EDIL3: variants seen among roughly 807,000 people sequenced by gnomAD.
The protein encoded by EDIL3 is EGF-like repeat and discoidin I-like domain-containing protein 3.
Under a neutral mutation model 67.4 loss-of-function variants are expected in EDIL3, and 37 were observed. That is an observed-to-expected ratio of 0.55 (90% CI 0.42 to 0.72). The LOEUF (loss-of-function observed/expected upper bound fraction) is 0.72. EDIL3 is among the 30% of genes least tolerant of loss of function. The probability of loss-of-function intolerance (pLI) is 0.00; values close to 1 mark genes in which losing one functional copy is unlikely to be tolerated. For synonymous variants in EDIL3, 195 were observed against 196.3 expected (o/e 0.99, Z 0.05); for missense variants, 527 against 586.3 (o/e 0.90, Z 1.04).
At position 84,256,468 on chromosome 5, in the gene EDIL3, G is replaced by A. The variant is rs1745126107; in HGVS notation, c.68-2256C>T. Among the ~76,000 whole-genome samples, 3 of 152,150 alleles carry A rather than the reference G, an allele frequency of 2.0e-5. No individual in the cohort carries two copies. The South Asian group carries it at 6.2e-4, about 32-fold the overall frequency. On this transcript the variant is annotated intron_variant, in intron 1 of 10. Transcript: ENST00000296591. ...AGGTGATGAAGAGGAGAGAGCGTAT[G>A]CTTAATATTCCAGGCAAAGGGAATA...
At chr5:84,000,723 C>T (rs999324371) in intron 9 of EDIL3, among the ~76,000 whole-genome samples, 1 of 151,894 alleles carries the variant, frequency 6.6e-6, no homozygotes, top group African/African-American at 2.4e-5. Flanking sequence ...TGTTAATCCA[C>T]AAAACAAGTC....
At chr5:83,955,456 A>G (rs1315309087) in intron 10 of EDIL3, among the ~76,000 whole-genome samples, 1 of 151,684 alleles carries the variant, frequency 6.6e-6, no homozygotes, top group South Asian at 2.1e-4. Flanking sequence ...TATTGTTTCA[A>G]ACTTTAAGGG....
At chr5:84,344,003 T>C (rs972059483) in intron 1 of EDIL3, among the ~76,000 whole-genome samples, 2 of 152,224 alleles carry the variant, frequency 1.3e-5, no homozygotes, top group Non-Finnish European at 2.9e-5. Flanking sequence ...ACACCACTTT[T>C]CTGAGAAATG....
intron 1 of EDIL3, among the ~76,000 whole-genome samples, chr5:84,371,129 T>C (rs1296059323): frequency 6.6e-6 from 1 of 151,354 alleles, no homozygotes; most frequent in Non-Finnish European, 1.5e-5. Flanking sequence ...TGTTATAATA[T>C]ATTTAATAAT....
chr5:83,982,688 A>G (rs1744989725), intron 9 of EDIL3, among the ~76,000 whole-genome samples: 1 of 152,178 alleles, frequency 6.6e-6, no homozygotes, highest in Non-Finnish European at 1.5e-5. Context: ...GTGCTTATTC[A>G]TCACTAGGAA....
intron 4 of EDIL3, among the ~76,000 whole-genome samples, chr5:84,138,027 T>G (rs924135005): frequency 1.3e-5 from 2 of 152,212 alleles, no homozygotes; most frequent in South Asian, 4.1e-4. Flanking sequence ...ATTATACTAC[T>G]TTCCTTGCTA....
In EDIL3 at chr5:84,137,266, T is replaced by G; in HGVS notation, c.444A>C (p.Glu148Asp). ...TGTATTGACAATTTCTTCCCATAAA[T>G]TCGCCTGGGCACTCACAGGAATAGT... is the stretch of plus-strand genomic sequence containing the variant. ...VANYSCECPG[E>D]FMGRNCQYKC... Residue 148 changes from glutamate (E) to aspartate (D), a missense_variant, in exon 5 of 11, where the codon GAA becomes GAC. Glu to Asp is a conservative substitution (Grantham distance 45). Coordinates refer to ENST00000296591, the MANE Select transcript of EDIL3 (RefSeq NM_005711.5). 6.2e-7 allele frequency: 1 copy of G among 1,612,636 alleles called. No individual in the cohort carries two copies. Among genetic ancestry groups the G allele is most frequent in the Non-Finnish European group, 8.5e-7 (1 of 1,179,540 alleles).
At chr5:84,312,777 T>C (rs576195662) in intron 1 of EDIL3, among the ~76,000 whole-genome samples, 5 of 152,210 alleles carry the variant, frequency 3.3e-5, no homozygotes, top group Non-Finnish European at 7.3e-5. Flanking sequence ...TAAATTACAA[T>C]TTTTGTCAGC....
At chr5:84,377,307 C>CAA (rs773972385) in intron 1 of EDIL3, among the ~76,000 whole-genome samples, 117 of 68,014 alleles carry the variant, frequency 1.7e-3, no homozygotes, top group African/African-American at 5.3e-3. Context: ...GACTCCGTCT[C>CAA]AAAAAAAAAA....
At chr5:84,209,520 C>A (rs957878804) in intron 3 of EDIL3, among the ~76,000 whole-genome samples, 1 of 152,088 alleles carries the variant, frequency 6.6e-6, no homozygotes, top group Non-Finnish European at 1.5e-5. Context: ...AAGATGTGAG[C>A]TCCATAATGG....
intron 3 of EDIL3, among the ~76,000 whole-genome samples, chr5:84,219,287 TAAAC>T (rs1052976525): frequency 6.6e-6 from 1 of 152,154 alleles, no homozygotes; most frequent in African/African-American, 2.4e-5. Flanking sequence ...ACATGGAACT[TAAAC>T]AAAATGCTCG....
chr5:84,295,041 A>G (rs868613180), intron 1 of EDIL3, among the ~76,000 whole-genome samples: 3 of 152,162 alleles, frequency 2.0e-5, no homozygotes, highest in Admixed American at 6.5e-5. Flanking sequence ...TCTTGTTCCC[A>G]TAGATGTTGT....
chr5:84,017,626 T>C (rs758000461), intron 9 of EDIL3, among the ~76,000 whole-genome samples: 19 of 152,164 alleles, frequency 1.2e-4, no homozygotes, highest in Admixed American at 2.6e-4. Context: ...GTATAATAAC[T>C]GTGGGATCTG....
chr5:84,168,072 A>G (rs1580358103), intron 4 of EDIL3, among the ~76,000 whole-genome samples: 2 of 152,286 alleles, frequency 1.3e-5, no homozygotes, highest in South Asian at 4.1e-4. Context: ...AATTTCTCTA[A>G]ACTTCTAGGC....
chr5:84,031,888 T>G (rs1229175129), intron 9 of EDIL3, among the ~76,000 whole-genome samples: 1 of 152,208 alleles, frequency 6.6e-6, no homozygotes, highest in Non-Finnish European at 1.5e-5. Flanking sequence ...TCCAATATGC[T>G]GGATATGTTA....
intron 9 of EDIL3, among the ~76,000 whole-genome samples, chr5:83,976,196 T>C (rs1359550576): frequency 6.6e-6 from 1 of 151,864 alleles, no homozygotes; most frequent in African/African-American, 2.4e-5. Flanking sequence ...TCCAACTCTT[T>C]TGTAGAGTAG....
rs764602242 is a variant in EDIL3, at chr5:84,384,336, G to A, written c.39C>T (p.Leu13=). The change falls in exon 1 of 11, where the codon CTC becomes CTT. Residue 13 remains leucine (L), a synonymous_variant. Transcript: ENST00000296591. ...TGCCGAACTGGGGGACACCGAGGCT[G>A]AGCCCGACCAAGAGCCAGACGGCTA... is the stretch of plus-strand genomic sequence containing the variant. ...RSVAVWLLVG[L]SLGVPQFGKG... 3 of 1,612,172 alleles carry A rather than the reference G, an allele frequency of 1.9e-6. No homozygotes were observed. The highest frequency in any genetic ancestry group is 1.7e-5 in the Admixed American group (1 of 59,746).
At chr5:84,201,984 A>G (rs1464981451) in intron 3 of EDIL3, among the ~76,000 whole-genome samples, 1 of 152,184 alleles carries the variant, frequency 6.6e-6, no homozygotes, top group Non-Finnish European at 1.5e-5. Flanking sequence ...AGAGTTTTAG[A>G]AAAGGGAAGG....
intron 3 of EDIL3, among the ~76,000 whole-genome samples, chr5:84,185,397 A>T (rs563522535): frequency 6.6e-6 from 1 of 152,232 alleles, no homozygotes; most frequent in South Asian, 2.1e-4. Context: ...TGTGAGACTG[A>T]TGTTATGTGC....
Sources: allele counts gnomAD v4.1 joint callset (sites outside exome capture counted in the v4.1 genomes callset), GRCh38; gene constraint gnomAD v4.1.1; transcripts MANE v1.5; gene names NCBI Gene and HGNC (gene_info 2026-07-23, HGNC 2026-07-21).